SLC35A3: variants seen among roughly 807,000 people sequenced by gnomAD.
The protein encoded by SLC35A3 is solute carrier family 35 member A3.
Under a neutral mutation model 39.0 loss-of-function variants are expected in SLC35A3, and 26 were observed. That is an observed-to-expected ratio of 0.67 (90% CI 0.49 to 0.92). The LOEUF is 0.92. Among genes scored for constraint, SLC35A3 ranks in the 40% least tolerant of loss-of-function variants. The pLI is 0.00. For synonymous variants in SLC35A3, 135 were observed against 133.1 expected, an observed-to-expected ratio of 1.01 and a Z score of -0.10; for missense variants, 299 against 371.6, an observed-to-expected ratio of 0.80 and a Z score of 1.61.
chr1:99,992,390 T>TTTAGTTA (rs895973219), intron 1 of SLC35A3, among the ~76,000 whole-genome samples: 9 of 152,278 alleles, frequency 5.9e-5, no homozygotes, highest in African/African-American at 1.9e-4. Context: ...CTTTAATTTT[T>TTTAGTTA]TTAGTTATTT....
intron 1 of SLC35A3, among the ~76,000 whole-genome samples, chr1:99,980,795 C>T (rs1213915727): frequency 6.6e-6 from 1 of 152,150 alleles, no homozygotes; most frequent in Non-Finnish European, 1.5e-5. Context: ...TAAGAGGGAA[C>T]TAATTTAGGG....
At chr1:100,017,174 T>TA (rs1366746108) in intron 6 of SLC35A3, among the ~76,000 whole-genome samples, 1 of 152,104 alleles carries the variant, frequency 6.6e-6, no homozygotes, top group Non-Finnish European at 1.5e-5. Flanking sequence ...TCTACAGTCT[T>TA]AAAGAAAAAG....
At chr1:99,998,022 T>A (rs2101180992) in intron 2 of SLC35A3, among the ~76,000 whole-genome samples, 1 of 152,262 alleles carries the variant, frequency 6.6e-6, no homozygotes, top group African/African-American at 2.4e-5. Flanking sequence ...TGGCACCACT[T>A]TGAGTTTTCT....
chr1:100,032,401 T>C lies in SLC35A3; in HGVS notation c.*9925T>C, dbSNP rs1557855905. On this transcript the variant is annotated 3_prime_UTR_variant, in exon 8 of 8. Transcript: ENST00000533028. The stretch of plus-strand genomic sequence containing the variant: ...ATAAAAAAGTATATTTCCCTCCTGT[T>C]TCTCTAATATCCCTCTTTAAAAAAA... 6.6e-6 allele frequency: 1 copy of C among 152,176 alleles called. No homozygotes were observed. Among genetic ancestry groups the C allele is most frequent in the Non-Finnish European group, 1.5e-5 (1 of 68,034 alleles). The allele number at this position is 152,176 out of a possible 1,614,324, so 9.4% of individuals were successfully genotyped here.
At chr1:99,993,272 T>C (rs1658193292) in intron 1 of SLC35A3, among the ~76,000 whole-genome samples, 1 of 152,190 alleles carries the variant, frequency 6.6e-6, no homozygotes, top group South Asian at 2.1e-4. Context: ...ATTTACCTTA[T>C]TTTCTTCACC....
intron 1 of SLC35A3, chr1:99,970,483 A>AGCTAGTGACGGGTGGGCCCGGC: frequency 7.8e-7 from 1 of 1,276,544 alleles, no homozygotes; most frequent in Non-Finnish European, 1.1e-6. Context: ...GTGCGTGCGG[A>AGCTAGTGACGGGTGGGCCCGGC]GCTAGTGACG....
chr1:99,982,552 T>C (rs1045939982), intron 1 of SLC35A3, among the ~76,000 whole-genome samples: 2 of 152,148 alleles, frequency 1.3e-5, no homozygotes, highest in African/African-American at 4.8e-5. Flanking sequence ...GCAAGGATCT[T>C]TGGGAGCTGC....
rs1371115818 is a variant in SLC35A3 at position 100,025,728 on chromosome 1, A to G, written c.*3252A>G. 1 of 152,190 alleles carries G rather than the reference A, an allele frequency of 6.6e-6. No homozygotes were observed. The highest frequency in any genetic ancestry group is 6.5e-5 in the Admixed American group (1 of 15,278). The allele number at this position is 152,190 out of a possible 1,614,324, so 9.4% of individuals were successfully genotyped here. A position where few individuals can be genotyped will look rare whatever the true frequency, so the allele number is the denominator to read the frequency against. ...TGTTTTGATGACCTCCACAGGCCTTACTGTATCAAGCTTTTATAATGATGA... is the reference window on the plus strand; with the variant it reads ...TGTTTTGATGACCTCCACAGGCCTTGCTGTATCAAGCTTTTATAATGATGA... On this transcript the variant is annotated 3_prime_UTR_variant, in exon 8 of 8. Transcript: ENST00000533028.
Position 100,018,597 on chromosome 1 carries a change from G to A in SLC35A3, c.887+782G>A, listed in dbSNP as rs493353. On this transcript the variant is annotated intron_variant, in intron 7 of 7. Transcript: ENST00000533028. The stretch of plus-strand genomic sequence containing the variant: ...CAGGTTGCAGTGCAGTGGCGTGATC[G>A]TAGCCCACTGCAGCTTCAAACTCCT... Among the ~76,000 whole-genome samples, 979 of 152,078 alleles carry A rather than the reference G, an allele frequency of 6.4e-3. 12 individuals are homozygous for A. Among genetic ancestry groups the A allele is most frequent in the African/African-American group, 0.023 (936 of 41,480 alleles).
Position 100,030,423 on chromosome 1 carries a change from C to T in SLC35A3, c.*7947C>T, listed in dbSNP as rs998555430. 2.0e-5 allele frequency: 3 copies of T among 152,208 alleles called. No homozygotes were observed. The highest frequency in any genetic ancestry group is 2.9e-5 in the Non-Finnish European group (2 of 68,030). 9.4% of individuals were successfully genotyped at this position (152,208 alleles called of 1,614,324 possible). A position where few individuals can be genotyped will look rare whatever the true frequency, so the allele number is the denominator to read the frequency against. On this transcript the variant is annotated 3_prime_UTR_variant, in exon 8 of 8. Transcript: ENST00000533028. ...GCAGGCTGCATGCAGCCCAGGATGG[C>T]TTTGAATGTGGCTCAACACAAATTT...
intron 1 of SLC35A3, among the ~76,000 whole-genome samples, chr1:99,981,392 GTTT>G (rs56756914): frequency 6.6e-6 from 1 of 152,102 alleles, no homozygotes; most frequent in Non-Finnish European, 1.5e-5. Context: ...TTTAGCCCTT[GTTT>G]TTATAATAGA....
At chr1:100,013,477 G>T (rs998805934) in intron 5 of SLC35A3, among the ~76,000 whole-genome samples, 1 of 150,850 alleles carries the variant, frequency 6.6e-6, no homozygotes, top group African/African-American at 2.4e-5. Context: ...GCTGGGTGTG[G>T]TAGCGTGTGC....
Position 99,999,274 on chromosome 1 carries a change from A to G in SLC35A3, c.201A>G (p.Arg67=), listed in dbSNP as rs748968538. The change falls in exon 3 of 8, where the codon AGA becomes AGG. Residue 67 remains arginine, a synonymous_variant. Coordinates refer to ENST00000533028, the MANE Select transcript of SLC35A3 (RefSeq NM_012243.3). ...LVYKDSKCSL[R]ALNRVLHDEI... ...ATTATTTTCTAGAATGTAGTCTAAG[A>G]GCACTGAATCGAGTACTACATGATG... 10 of 1,550,960 alleles carry G rather than the reference A, an allele frequency of 6.4e-6. No individual in the cohort carries two copies. Among genetic ancestry groups the G allele is most frequent in the Non-Finnish European group, 7.8e-6 (9 of 1,152,772 alleles).
chr1:99,992,427 T>G (rs1476493863), intron 1 of SLC35A3, among the ~76,000 whole-genome samples: 2 of 152,284 alleles, frequency 1.3e-5, no homozygotes, highest in African/African-American at 4.8e-5. Context: ...TTTTTTGTCC[T>G]TTTACTTTTT....
At chr1:99,995,108 C>CTTTG in intron 2 of SLC35A3, among the ~76,000 whole-genome samples, 1 of 37,746 alleles carries the variant, frequency 2.6e-5, no homozygotes, top group Admixed American at 2.7e-4. Flanking sequence ...TGTGTATTTT[C>CTTTG]TTTCTTTCTT....
At position 100,032,364 on chromosome 1, in the gene SLC35A3, TTC is replaced by T. The variant is rs1417420167; in HGVS notation, c.*9890_*9891del. 11 of 152,300 alleles carry T rather than the reference TTC, an allele frequency of 7.2e-5. No individual in the cohort carries two copies. The highest frequency in any genetic ancestry group is 1.9e-4 in the East Asian group (1 of 5,192). The allele number at this position is 152,300 out of a possible 1,614,324, so 9.4% of individuals were successfully genotyped here. The stretch of plus-strand genomic sequence containing the variant: ...TTTCTTCTACATTTATTAGTTTATA[TTC>T]TTTTTTAAAATAAAAAAGTATATTT... On this transcript the variant is annotated 3_prime_UTR_variant, in exon 8 of 8. Transcript: ENST00000533028.
intron 5 of SLC35A3, among the ~76,000 whole-genome samples, chr1:100,012,180 A>G (rs1003268215): frequency 6.6e-6 from 1 of 152,030 alleles, no homozygotes; most frequent in African/African-American, 2.4e-5. Context: ...GCTAATCTGG[A>G]GGCTGAGGCA....
intron 5 of SLC35A3, among the ~76,000 whole-genome samples, chr1:100,013,907 T>G (rs1466167390): frequency 2.6e-5 from 4 of 152,216 alleles, no homozygotes; most frequent in African/African-American, 4.8e-5. Context: ...TTTTAAAAAT[T>G]GCTTTACGCT....
chr1:100,009,965 A>G (rs1470184251), intron 4 of SLC35A3, among the ~76,000 whole-genome samples: 1 of 152,184 alleles, frequency 6.6e-6, no homozygotes, highest in Non-Finnish European at 1.5e-5. Flanking sequence ...TCTCCAGGGT[A>G]GAGGGGATTC....
Sources: allele counts gnomAD v4.1 joint callset (sites outside exome capture counted in the v4.1 genomes callset), GRCh38; gene constraint gnomAD v4.1.1; transcripts MANE v1.5; gene names NCBI Gene and HGNC (gene_info 2026-07-23, HGNC 2026-07-21).